The following CNTNAP2 variants were observed in gnomAD, a reference collection of about 807,000 sequenced individuals.
The protein encoded by CNTNAP2 is contactin-associated protein-like 2.
A neutral mutation model predicts 155.2 loss-of-function variants in CNTNAP2; 98 were observed. The ratio of observed to expected loss-of-function variants is 0.63; its 90% CI spans 0.54 to 0.75. CNTNAP2 has a LOEUF of 0.75. CNTNAP2 is among the 30% of genes least tolerant of loss of function. The pLI, the probability that CNTNAP2 is intolerant of heterozygous loss-of-function variation, is 0.00. For synonymous variants in CNTNAP2, 651 were observed against 631.2 expected (o/e 1.03, Z -0.47); for missense variants, 1,727 against 1,688.1 (o/e 1.02, Z -0.40).
At chr7:147,002,403 A>G (rs1199373296) in intron 3 of CNTNAP2, among the ~76,000 whole-genome samples, 2 of 152,092 alleles carry the variant, frequency 1.3e-5, no homozygotes, top group African/African-American at 4.8e-5. Context: ...ACTGGAAGCT[A>G]GAAGATAATC....
chr7:146,459,233 A>G (rs1225155449), intron 1 of CNTNAP2, among the ~76,000 whole-genome samples: 1 of 152,040 alleles, frequency 6.6e-6, no homozygotes, highest in Non-Finnish European at 1.5e-5. Flanking sequence ...ATGGATGCTG[A>G]CTCCTTCCAT....
chr7:146,911,966 C>G (rs1357345325), intron 3 of CNTNAP2, among the ~76,000 whole-genome samples: 9 of 151,862 alleles, frequency 5.9e-5, no homozygotes, highest in Admixed American at 5.9e-4. Flanking sequence ...TGATTTCTTT[C>G]CTTTGATTAA....
At chr7:146,480,305 G>A (rs1796940214) in intron 1 of CNTNAP2, among the ~76,000 whole-genome samples, 1 of 152,078 alleles carries the variant, frequency 6.6e-6, no homozygotes, top group African/African-American at 2.4e-5. Flanking sequence ...GAAAGGCAAT[G>A]AGAATAATTT....
intron 14 of CNTNAP2, among the ~76,000 whole-genome samples, chr7:147,937,339 T>C (rs141913365): frequency 7.1e-4 from 108 of 152,298 alleles, no homozygotes; most frequent in African/African-American, 2.5e-3. Flanking sequence ...CCTAAATACA[T>C]TCAACCATCA....
intron 13 of CNTNAP2, among the ~76,000 whole-genome samples, chr7:147,866,765 T>TTG (rs1554443345): frequency 7.9e-5 from 12 of 151,480 alleles, no homozygotes; most frequent in African/African-American, 2.7e-4. Context: ...TTTTTTGTTT[T>TTG]TTGTTGTTGT....
chr7:146,642,623 G>A (rs1400511377), intron 1 of CNTNAP2, among the ~76,000 whole-genome samples: 1 of 151,746 alleles, frequency 6.6e-6, no homozygotes, highest in Admixed American at 6.6e-5. Flanking sequence ...AAACATACGT[G>A]TGCATGTGTC....
At chr7:147,127,101 C>T (rs1801256365) in intron 6 of CNTNAP2, among the ~76,000 whole-genome samples, 1 of 152,152 alleles carries the variant, frequency 6.6e-6, no homozygotes, top group Non-Finnish European at 1.5e-5. Flanking sequence ...AGATTGTAAA[C>T]AGGAGACGTA....
At chr7:146,259,911 G>T (rs1368353595) in intron 1 of CNTNAP2, among the ~76,000 whole-genome samples, 1 of 152,236 alleles carries the variant, frequency 6.6e-6, no homozygotes, top group Non-Finnish European at 1.5e-5. Flanking sequence ...GGCCACATCA[G>T]AGATCTTGAC....
At chr7:147,923,566 T>G (rs1800324241) in intron 14 of CNTNAP2, among the ~76,000 whole-genome samples, 1 of 151,978 alleles carries the variant, frequency 6.6e-6, no homozygotes, top group Admixed American at 6.6e-5. Context: ...CAGGCTGAAA[T>G]GCAGTGGTAT....
intron 1 of CNTNAP2, among the ~76,000 whole-genome samples, chr7:146,587,033 A>ATTTTT (rs34866879): frequency 6.7e-6 from 1 of 148,458 alleles, no homozygotes; most frequent in Non-Finnish European, 1.5e-5. Context: ...GCATTGTTTT[A>ATTTTT]TTTTTTTTTT....
intron 15 of CNTNAP2, among the ~76,000 whole-genome samples, chr7:148,097,340 TAAA>T (rs754030091): frequency 0.19 from 14,905 of 77,926 alleles, 1,021 homozygotes; most frequent in East Asian, 0.52. Flanking sequence ...GTGTCATTTG[TAAA>T]AAAAAAAAAA....
chr7:147,265,269 AT>A lies in CNTNAP2; in HGVS notation c.1349-34871del, dbSNP rs1804580897. On this transcript the variant is annotated intron_variant, in intron 8 of 23. Coordinates refer to ENST00000361727, the MANE Select transcript of CNTNAP2 (RefSeq NM_014141.6). ...TTTGTTACACAGATAAACGTGTGCC[AT>A]GGGGCAGCAGCCATCACTGTAGCTC... 2.0e-5 allele frequency among the ~76,000 whole-genome samples: 3 copies of A among 152,308 alleles called. No homozygotes were observed. The South Asian group carries it at 6.2e-4, about 32-fold the overall frequency.
intron 1 of CNTNAP2, among the ~76,000 whole-genome samples, chr7:146,186,461 T>C (rs1464960): frequency 0.25 from 38,193 of 152,108 alleles, 5,016 homozygotes; most frequent in Middle Eastern, 0.34. Flanking sequence ...CTAACTTTTA[T>C]CATAGTTATT....
At chr7:146,420,192 C>T (rs1256933609) in intron 1 of CNTNAP2, among the ~76,000 whole-genome samples, 1 of 152,094 alleles carries the variant, frequency 6.6e-6, no homozygotes, top group Non-Finnish European at 1.5e-5. Context: ...CTGATTTTAA[C>T]TTACACAGGT....
At chr7:147,680,726 G>C (rs1434277223) in intron 13 of CNTNAP2, among the ~76,000 whole-genome samples, 1 of 151,792 alleles carries the variant, frequency 6.6e-6, no homozygotes, top group Non-Finnish European at 1.5e-5. Context: ...CAGTCATTCT[G>C]ATGTTCTTGC....
intron 16 of CNTNAP2, among the ~76,000 whole-genome samples, chr7:148,122,938 CG>C (rs1804632688): frequency 6.6e-6 from 1 of 151,990 alleles, no homozygotes; most frequent in Admixed American, 6.6e-5. Flanking sequence ...GTTAAGTGGA[CG>C]GGAAGATCCT....
chr7:147,827,727 CA>C (rs1798478612), intron 13 of CNTNAP2, among the ~76,000 whole-genome samples: 1 of 151,804 alleles, frequency 6.6e-6, no homozygotes, highest in Non-Finnish European at 1.5e-5. Context: ...TCATAGAGCC[CA>C]AAAAGGTAGG....
chr7:146,857,818 C>G (rs965609132), intron 3 of CNTNAP2, among the ~76,000 whole-genome samples: 19 of 152,158 alleles, frequency 1.2e-4, no homozygotes, highest in African/African-American at 4.6e-4. Flanking sequence ...GGTTCTATAT[C>G]ATATGTTCAA....
At chr7:146,251,705 T>G (rs757366655) in intron 1 of CNTNAP2, among the ~76,000 whole-genome samples, 11 of 152,186 alleles carry the variant, frequency 7.2e-5, no homozygotes, top group Non-Finnish European at 1.5e-4. Flanking sequence ...GGGGCCACAT[T>G]TTTCTAACTT....
Sources: allele counts gnomAD v4.1 joint callset (sites outside exome capture counted in the v4.1 genomes callset), GRCh38; gene constraint gnomAD v4.1.1; transcripts MANE v1.5; gene names NCBI Gene and HGNC (gene_info 2026-07-23, HGNC 2026-07-21).